Variants in DNAH1 observed in about 807,000 individuals in gnomAD.
DNAH1 encodes the protein dynein axonemal heavy chain 1.
A neutral mutation model predicts 484.3 loss-of-function variants in DNAH1; 327 were observed. That is an observed-to-expected ratio of 0.68 (90% confidence interval 0.62 to 0.74). DNAH1 has a LOEUF of 0.74. Among genes scored for constraint, DNAH1 ranks in the 30% least tolerant of loss-of-function variants. The probability of loss-of-function intolerance (pLI) is 0.00; values close to 1 mark genes in which losing one functional copy is unlikely to be tolerated. For synonymous variants in DNAH1, 2,192 were observed against 2,191.9 expected, an observed-to-expected ratio of 1.00 and a Z score of 0.00; for missense variants, 5,052 against 5,546.8, an observed-to-expected ratio of 0.91 and a Z score of 2.83.
intron 45 of DNAH1, among the ~76,000 whole-genome samples, 175 bp downstream of exon 45, chr3:52,375,588 C>T (rs1703555436): frequency 6.6e-6 from 1 of 152,162 alleles, no homozygotes; most frequent in South Asian, 2.1e-4. Flanking sequence ...TCTCTCTGAG[C>T]CTGTTTCTTC....
At chr3:52,343,366 G>T (rs899885937) in intron 8 of DNAH1, among the ~76,000 whole-genome samples, 1 of 152,100 alleles carries the variant, frequency 6.6e-6, no homozygotes, top group East Asian at 1.9e-4. Context: ...TGAGAGCAGG[G>T]CATGCCTTCT....
At chr3:52,374,484 G>A in intron 44 of DNAH1, 2 of 1,419,420 alleles carry the variant, frequency 1.4e-6, no homozygotes, top group Middle Eastern at 1.8e-4. Context: ...AAACAAATTA[G>A]AAGCGATTTT....
intron 14 of DNAH1, among the ~76,000 whole-genome samples, chr3:52,349,691 C>T (rs776531248): frequency 2.2e-4 from 33 of 152,202 alleles, no homozygotes; most frequent in Non-Finnish European, 3.2e-4. Flanking sequence ...ACACCCTTGA[C>T]GGACTTGTTT....
In DNAH1 at chr3:52,381,885, G is replaced by A. The variant is rs377383962; in HGVS notation, c.7805+49G>A. ...GGCAGTGGGCGGCCAGGGCTGGCTG[G>A]TCGGTTTGACTGACCCATGCTTTTG... On this transcript the variant is annotated intron_variant, in intron 49 of 77. Coordinates refer to ENST00000420323, the MANE Select transcript of DNAH1 (RefSeq NM_015512.5). The surrounding 1 kb of genome is among the most constrained non-coding windows in gnomAD (Gnocchi z 4.1). 365 of 1,526,274 alleles carry A rather than the reference G, an allele frequency of 2.4e-4. 1 individual carries two copies. The Middle Eastern group carries it at 4.9e-3, about 21-fold the overall frequency. The allele number at this position is 1,526,274 out of a possible 1,614,324, so 94.5% of individuals were successfully genotyped here.
At chr3:52,319,732 C>A (rs544318925) in intron 1 of DNAH1, among the ~76,000 whole-genome samples, 1 of 152,334 alleles carries the variant, frequency 6.6e-6, no homozygotes, top group East Asian at 1.9e-4. Flanking sequence ...TTCTGTCTGT[C>A]TGTCTAGCTC....
chr3:52,361,841 T>G lies in DNAH1; in HGVS notation c.4980+75T>G, dbSNP rs981086778. 2 of 1,474,776 alleles carry G rather than the reference T, an allele frequency of 1.4e-6. No individual in the cohort carries two copies. Among genetic ancestry groups the G allele is most frequent in the East Asian group, 2.5e-5 (1 of 40,272 alleles). 91.4% of individuals were successfully genotyped at this position (1,474,776 alleles called of 1,614,324 possible). On this transcript the variant is annotated intron_variant, in intron 30 of 77. Coordinates refer to ENST00000420323, the MANE Select transcript of DNAH1 (RefSeq NM_015512.5). The surrounding 1 kb of genome is among the most constrained non-coding windows in gnomAD (Gnocchi z 5.6). ...CGCCATACTGCTCCCCATTGCAGGC[T>G]GAGAAGCCAGGCGCTAAGGTCCACC...
rs1255833477 is a variant in DNAH1 at position 52,358,978 on chromosome 3, C to G, written c.4266+241C>G. Among the ~76,000 whole-genome samples, 2 of 152,124 alleles carry G rather than the reference C, an allele frequency of 1.3e-5. No individual in the cohort carries two copies. Among genetic ancestry groups the G allele is most frequent in the Non-Finnish European group, 1.5e-5 (1 of 68,018 alleles). Reference sequence around the variant, plus strand: ...TGGGTGCCAGGCTCCAGGCTGGGCCCTCTCCTGCAGTCTTTCTCTCAGCTC... The same window carrying G: ...TGGGTGCCAGGCTCCAGGCTGGGCCGTCTCCTGCAGTCTTTCTCTCAGCTC... On this transcript the variant is annotated intron_variant, in intron 25 of 77. Coordinates refer to ENST00000420323, the MANE Select transcript of DNAH1 (RefSeq NM_015512.5). This position sits in a 1 kb window ranked among gnomAD's most constrained non-coding sequence, Gnocchi z 4.2.
rs897630573 is a variant in DNAH1, at chr3:52,326,374, G to A, written c.581+60G>A. On this transcript the variant is annotated intron_variant, in intron 4 of 77. Coordinates refer to ENST00000420323, the MANE Select transcript of DNAH1 (RefSeq NM_015512.5). ...GAGGTGGCATCCACCCGCCTCAGGG[G>A]ATGAGGAACTGCAGATCACCAGGTG... is the stretch of plus-strand genomic sequence containing the variant. 3.2e-6 allele frequency: 5 copies of A among 1,544,862 alleles called. No individual in the cohort carries two copies. In the African/African-American group the frequency reaches 6.8e-5, roughly 21 times the overall value.
chr3:52,399,767 C>G lies in DNAH1; in HGVS notation c.12664C>G (p.Leu4222Val). Residue 4222 changes from leucine to valine, a missense_variant, in exon 77 of 78, where the codon CTG becomes GTG. Transcript: ENST00000420323. Reference protein sequence around the residue: ...DFYLCPIYKTLTRAGTLSTTG... With the variant: ...DFYLCPIYKTVTRAGTLSTTG... The stretch of plus-strand genomic sequence containing the variant: ...TTACCTGTGCCCCATCTACAAGACA[C>G]TGACTCGTGCTGGTATGAGGCCTGG... 1 of 1,613,824 alleles carries G rather than the reference C, an allele frequency of 6.2e-7. No homozygotes were observed. The highest frequency in any genetic ancestry group is 1.3e-5 in the African/African-American group (1 of 75,050).
rs745402448 is a variant in DNAH1 at position 52,370,241 on chromosome 3, A to C, written c.6258+12A>C. 1 of 1,612,794 alleles carries C rather than the reference A, an allele frequency of 6.2e-7. No individual in the cohort carries two copies. Among genetic ancestry groups the C allele is most frequent in the African/African-American group, 1.3e-5 (1 of 74,908 alleles). ...TTCTGCCTAGAGAGGTACAGCCCTG[A>C]GAGTGGGGCTAGATGCACCTGGTCC... On this transcript the variant is annotated intron_variant, in intron 39 of 77. Transcript: ENST00000420323.
rs1409694928 is a variant in DNAH1, at chr3:52,390,986, C to A, written c.9673C>A (p.Gln3225Lys). The A allele has an allele frequency of 3.2e-6, 5 of 1,553,186 alleles. No individual in the cohort carries two copies. Among genetic ancestry groups the A allele is most frequent in the Non-Finnish European group, 4.4e-6 (5 of 1,147,884 alleles). The change falls in exon 61 of 78, where the codon CAG becomes AAG. Residue 3225 changes from glutamine to lysine, a missense_variant. Around this residue, in one of 4 missense-constraint regions of DNAH1, gnomAD observed 2,929 missense variants for 3,409.4 expected, o/e 0.86. Coordinates refer to ENST00000420323, the MANE Select transcript of DNAH1 (RefSeq NM_015512.5). Reference sequence around the variant, plus strand: ...GTCAGTGGAGAACGGGGTCATCAACCAGTTTTCCCAGCGCTGGACCCACTT... The same window carrying A: ...GTCAGTGGAGAACGGGGTCATCAACAAGTTTTCCCAGCGCTGGACCCACTT... ...TLSVENGVIN[Q>K]FSQRWTHFID...
rs529441029 is a variant in DNAH1 at position 52,398,023 on chromosome 3, C to T, written c.11959-9C>T. ...GCCTTGACCCCACAGTATTCCTTTG[C>T]CCCTGCAGATAGTGGAGGACGTCAC... On this transcript the variant is annotated splice_polypyrimidine_tract_variant and intron_variant, in intron 74 of 77. Transcript: ENST00000420323. The T allele has an allele frequency of 1.2e-6, 2 of 1,612,060 alleles. No homozygotes were observed. Among genetic ancestry groups the T allele is most frequent in the Non-Finnish European group, 1.7e-6 (2 of 1,178,822 alleles).
At chr3:52,356,524 G>T (rs1702616097) in intron 21 of DNAH1, 90 bp from the exon 22 acceptor site, 1 of 1,338,166 alleles carries the variant, frequency 7.5e-7, no homozygotes, top group African/African-American at 1.4e-5. Flanking sequence ...CAACATGCTG[G>T]TGGGGTGAAA....
intron 63 of DNAH1, among the ~76,000 whole-genome samples, 181 bp from the exon 64 acceptor site, chr3:52,392,283 G>C (rs1266842812): frequency 6.6e-6 from 1 of 152,192 alleles, no homozygotes; most frequent in Non-Finnish European, 1.5e-5. Context: ...TGATGTCTTT[G>C]AAGGCAGGCT....
Position 52,395,437 on chromosome 3 carries a change from C to T in DNAH1, c.11098C>T (p.Leu3700Phe). Residue 3700 changes from leucine to phenylalanine, a missense_variant, in exon 69 of 78, where the codon CTC becomes TTC. Leu to Phe is a conservative substitution (Grantham distance 22, BLOSUM62 0). Transcript: ENST00000420323. This position sits in a 1 kb window ranked among gnomAD's most constrained non-coding sequence, Gnocchi z 4.4. ...CGAAGAAATGAAGTTCTCCAAAAAG[C>T]TCTCTGCCATCTCCCTGGGCCAGGG... is the stretch of plus-strand genomic sequence containing the variant. ...FAEEMKFSKKLSAISLGQGQG... is the reference protein window; with the variant it reads ...FAEEMKFSKKFSAISLGQGQG... The T allele has an allele frequency of 6.2e-7, 1 of 1,613,944 alleles. No individual in the cohort carries two copies. Among genetic ancestry groups the T allele is most frequent in the Non-Finnish European group, 8.5e-7 (1 of 1,179,908 alleles).
In DNAH1 at chr3:52,362,328, A is replaced by G; in HGVS notation, c.4981-60A>G. 1.4e-6 allele frequency: 2 copies of G among 1,435,262 alleles called. No individual in the cohort carries two copies. The highest frequency in any genetic ancestry group is 1.9e-6 in the Non-Finnish European group (2 of 1,032,160). 88.9% of individuals were successfully genotyped at this position (1,435,262 alleles called of 1,614,324 possible). A position where few individuals can be genotyped will look rare whatever the true frequency, so the allele number is the denominator to read the frequency against. On this transcript the variant is annotated intron_variant, in intron 30 of 77. Coordinates refer to ENST00000420323, the MANE Select transcript of DNAH1 (RefSeq NM_015512.5). The surrounding 1 kb of genome is among the most constrained non-coding windows in gnomAD (Gnocchi z 5.1). ...TCAACAGGGGACAAGGGGCCCACTCAGAGGAGGGGACAAGGCTGGGCACCC... is the reference window on the plus strand; with the variant it reads ...TCAACAGGGGACAAGGGGCCCACTCGGAGGAGGGGACAAGGCTGGGCACCC...
upstream of DNAH1, among the ~76,000 whole-genome samples, chr3:52,313,959 C>T (rs183091179): frequency 5.3e-5 from 8 of 152,284 alleles, no homozygotes; most frequent in African/African-American, 1.4e-4. Flanking sequence ...CCTCCTGCCC[C>T]GTCCAGAGCC....
At position 52,379,437 on chromosome 3, in the gene DNAH1, G is replaced by C. The variant is rs774145455; in HGVS notation, c.7378-468G>C. On this transcript the variant is annotated intron_variant, in intron 47 of 77. Transcript: ENST00000420323. This position sits in a 1 kb window ranked among gnomAD's most constrained non-coding sequence, Gnocchi z 4.4. ...ACCCAGGGAGATGCAGGGAAGCTGG[G>C]ACAGAGGCGGCAGCTGAGATGGAGA... Among the ~76,000 whole-genome samples the C allele has an allele frequency of 6.6e-6, 1 of 152,156 alleles. No individual in the cohort carries two copies. The highest frequency in any genetic ancestry group is 1.5e-5 in the Non-Finnish European group (1 of 68,026).
At chr3:52,347,158 G>T (rs1702177612) in intron 11 of DNAH1, among the ~76,000 whole-genome samples, 1 of 152,232 alleles carries the variant, frequency 6.6e-6, no homozygotes, top group African/African-American at 2.4e-5. Flanking sequence ...GGGTGGGTCA[G>T]GGAGGAGGTG....
Sources: allele counts gnomAD v4.1 joint callset (sites outside exome capture counted in the v4.1 genomes callset), GRCh38; gene constraint gnomAD v4.1.1; regional missense constraint gnomAD v4.1.1; non-coding constraint Gnocchi (gnomAD v3.1); transcripts MANE v1.5; gene names NCBI Gene and HGNC (gene_info 2026-07-23, HGNC 2026-07-21).